Variants in METTL15 observed in about 807,000 individuals in gnomAD.
The protein encoded by METTL15 is 12S rRNA N(4)-cytidine methyltransferase METTL15.
A neutral mutation model predicts 38.3 loss-of-function variants in METTL15; 34 were observed. The observed-to-expected ratio is 0.89, with a 90% CI of 0.68 to 1.18. The LOEUF is 1.18. Among genes scored for constraint, METTL15 ranks in the 50% most tolerant of loss-of-function variants. The pLI, the probability that METTL15 is intolerant of heterozygous loss-of-function variation, is 0.00. For missense variants in METTL15, 438 were observed against 498.4 expected, an observed-to-expected ratio of 0.88 and a Z score of 1.15; for synonymous variants, 162 against 170.9, an observed-to-expected ratio of 0.95 and a Z score of 0.41.
At chr11:28,276,504 A>C (rs1174941031) in intron 4 of METTL15, among the ~76,000 whole-genome samples, 1 of 152,132 alleles carries the variant, frequency 6.6e-6, no homozygotes, top group Non-Finnish European at 1.5e-5. Flanking sequence ...CATTACAGTG[A>C]CCATATTGCC....
intron 5 of METTL15, among the ~76,000 whole-genome samples, chr11:28,376,288 A>C (rs1459772119): frequency 6.6e-6 from 1 of 151,694 alleles, no homozygotes; most frequent in East Asian, 1.9e-4. Context: ...CCCATTATTA[A>C]TGTGTGGGAG....
At chr11:28,184,574 G>A (rs1012162394) in intron 3 of METTL15, among the ~76,000 whole-genome samples, 2 of 151,796 alleles carry the variant, frequency 1.3e-5, no homozygotes, top group Non-Finnish European at 2.9e-5. Flanking sequence ...GCAGTTTTGA[G>A]TGAGTTTCTT....
At chr11:28,391,573 G>A (rs1218767153) in intron 5 of METTL15, among the ~76,000 whole-genome samples, 1 of 152,078 alleles carries the variant, frequency 6.6e-6, no homozygotes, top group African/African-American at 2.4e-5. Flanking sequence ...TGTACTACAA[G>A]GCTACAGTAA....
intron 6 of METTL15, among the ~76,000 whole-genome samples, chr11:28,432,109 G>T (rs577956491): frequency 6.6e-6 from 1 of 152,166 alleles, no homozygotes; most frequent in Non-Finnish European, 1.5e-5. Context: ...GAATACCTTT[G>T]TGTGCCATGC....
intron 5 of METTL15, among the ~76,000 whole-genome samples, chr11:28,395,899 T>C (rs865889363): frequency 6.6e-6 from 1 of 152,130 alleles, no homozygotes; most frequent in Non-Finnish European, 1.5e-5. Flanking sequence ...TTATCCACCA[T>C]GATCAAGTGG....
At chr11:28,234,637 C>A (rs1853857986) in intron 4 of METTL15, among the ~76,000 whole-genome samples, 1 of 150,060 alleles carries the variant, frequency 6.7e-6, no homozygotes, top group South Asian at 2.1e-4. Context: ...CCTTCACCCA[C>A]TTTTTGATGG....
intron 3 of METTL15, among the ~76,000 whole-genome samples, chr11:28,174,976 T>C (rs1486083175): frequency 6.6e-6 from 1 of 151,986 alleles, no homozygotes; most frequent in Admixed American, 6.6e-5. Context: ...CTTTAAGTTT[T>C]AGGGTACATG....
chr11:28,268,053 C>T (rs1480864700), intron 4 of METTL15, among the ~76,000 whole-genome samples: 3 of 151,148 alleles, frequency 2.0e-5, no homozygotes, highest in East Asian at 1.9e-4. Flanking sequence ...AAAAATTAGC[C>T]GGGCATAGTG....
chr11:28,519,502 C>T (rs1590402362), intron 6 of METTL15, among the ~76,000 whole-genome samples: 1 of 151,916 alleles, frequency 6.6e-6, no homozygotes, highest in African/African-American at 2.4e-5. Flanking sequence ...TTGCAGTGAG[C>T]TGAGATTACG....
At chr11:28,295,095 A>G (rs146521372) in intron 5 of METTL15, among the ~76,000 whole-genome samples, 106 of 152,226 alleles carry the variant, frequency 7.0e-4, no homozygotes, top group African/African-American at 2.4e-3. Flanking sequence ...GATTTTTGTC[A>G]TTTAAGCCAC....
chr11:28,180,505 T>G (rs1313953323), intron 3 of METTL15, among the ~76,000 whole-genome samples: 2 of 151,802 alleles, frequency 1.3e-5, no homozygotes, highest in Non-Finnish European at 2.9e-5. Context: ...AGAACTATTT[T>G]TAAATAAGGA....
intron 6 of METTL15, among the ~76,000 whole-genome samples, chr11:28,476,964 G>A (rs1465534311): frequency 1.3e-5 from 2 of 152,106 alleles, no homozygotes; most frequent in Non-Finnish European, 2.9e-5. Context: ...AGAAATTACC[G>A]ATAAATTGAG....
At chr11:28,191,384 A>C (rs910500810) in intron 3 of METTL15, among the ~76,000 whole-genome samples, 4 of 151,358 alleles carry the variant, frequency 2.6e-5, no homozygotes, top group Non-Finnish European at 4.4e-5. Context: ...AGATTTAAAA[A>C]AATCCCAAAA....
chr11:28,321,065 A>G (rs1849450117), intron 6 of METTL15, among the ~76,000 whole-genome samples: 1 of 152,190 alleles, frequency 6.6e-6, no homozygotes. Context: ...CCATTAGTCC[A>G]GGCTGAAAGT....
chr11:28,228,792 A>T (rs1313381563), intron 4 of METTL15, among the ~76,000 whole-genome samples: 1 of 151,792 alleles, frequency 6.6e-6, no homozygotes, highest in African/African-American at 2.4e-5. Flanking sequence ...CCCTGCTTGG[A>T]TATGTTATTT....
At chr11:28,271,377 C>A (rs896328241) in intron 4 of METTL15, among the ~76,000 whole-genome samples, 2 of 152,090 alleles carry the variant, frequency 1.3e-5, no homozygotes, top group African/African-American at 4.8e-5. Context: ...CTCCAGGAAA[C>A]CTACTTAGGT....
rs189824215 is a variant in METTL15 at position 28,222,985 on chromosome 11, A to C, written c.407+11787A>C. On this transcript the variant is annotated intron_variant, in intron 4 of 6. Coordinates refer to ENST00000407364, the MANE Select transcript of METTL15 (RefSeq NM_001113528.2). ...AGCAATAATGAGGGCAATCAAAATA[A>C]TAATGGTATAATACTGAAAAACATA... is the stretch of plus-strand genomic sequence containing the variant. Among the ~76,000 whole-genome samples the C allele has an allele frequency of 2.4e-3, 364 of 152,244 alleles. 1 individual carries two copies. The highest frequency in any genetic ancestry group is 2.1e-3 in the Non-Finnish European group (141 of 68,000).
chr11:28,467,413 G>A (rs568364129), intron 6 of METTL15, among the ~76,000 whole-genome samples: 3 of 152,274 alleles, frequency 2.0e-5, no homozygotes, highest in South Asian at 2.1e-4. Flanking sequence ...CCAGGCCTTC[G>A]ACAAGAGGCT....
chr11:28,451,924 A>G (rs1314757784), intron 6 of METTL15, among the ~76,000 whole-genome samples: 2 of 152,198 alleles, frequency 1.3e-5, no homozygotes, highest in Non-Finnish European at 2.9e-5. Context: ...CCAAACTCCC[A>G]TCTGCCCCCA....
Sources: allele counts gnomAD v4.1 joint callset (sites outside exome capture counted in the v4.1 genomes callset), GRCh38; gene constraint gnomAD v4.1.1; transcripts MANE v1.5; gene names NCBI Gene and HGNC (gene_info 2026-07-23, HGNC 2026-07-21).